Variants in GRIN2A observed in about 807,000 individuals in gnomAD.
GRIN2A encodes glutamate receptor ionotropic, NMDA 2A.
In GRIN2A, 22 loss-of-function variants were observed where a neutral mutation model predicts 113.4. The ratio of observed to expected loss-of-function variants is 0.19; its 90% CI spans 0.14 to 0.28. The LOEUF (loss-of-function observed/expected upper bound fraction) is 0.28, where lower values mean the gene tolerates loss of function less well. Ranked by LOEUF, GRIN2A falls within the 10% of genes least tolerant of loss-of-function variation. GRIN2A has a pLI of 1.00. For missense variants in GRIN2A, 1,502 were observed against 1,887.0 expected (o/e 0.80, Z 3.78); for synonymous variants, 827 against 738.4 (o/e 1.12, Z -1.94).
At chr16:10,167,296 A>C (rs1400523362) in intron 2 of GRIN2A, among the ~76,000 whole-genome samples, 2 of 152,176 alleles carry the variant, frequency 1.3e-5, no homozygotes, top group African/African-American at 4.8e-5. Context: ...AACTCCCCCC[A>C]AAATCACCCC....
Position 9,891,082 on chromosome 16 carries a change from T to A in GRIN2A, c.1026A>T (p.Thr342=). 6.2e-7 allele frequency: 1 copy of A among 1,609,100 alleles called. No individual in the cohort carries two copies. The highest frequency in any genetic ancestry group is 8.5e-7 in the Non-Finnish European group (1 of 1,175,422). ...HTLHPFMVNV[T]WDGKDLSFTE... ...TGAAGGATAAGTCTTTGCCATCCCATGTAACATTGACCATAAATCTAGAAA... is the reference window on the plus strand; with the variant it reads ...TGAAGGATAAGTCTTTGCCATCCCAAGTAACATTGACCATAAATCTAGAAA... Residue 342 remains threonine (T), a synonymous_variant, in exon 4 of 13, where the codon ACA becomes ACT. Transcript: ENST00000330684.
At chr16:9,836,185 A>G (rs1490220689) in intron 7 of GRIN2A, among the ~76,000 whole-genome samples, 1 of 152,232 alleles carries the variant, frequency 6.6e-6, no homozygotes, top group Admixed American at 6.5e-5. Context: ...GAGGATCATT[A>G]TGATGAGCAA....
intron 2 of GRIN2A, among the ~76,000 whole-genome samples, chr16:10,041,276 A>G (rs1192407259): frequency 1.3e-5 from 2 of 152,224 alleles, no homozygotes; most frequent in African/African-American, 4.8e-5. Flanking sequence ...TCCAGGGGGA[A>G]AGATGTGCAA....
intron 3 of GRIN2A, among the ~76,000 whole-genome samples, chr16:9,896,123 C>T (rs2043800404): frequency 6.6e-6 from 1 of 151,882 alleles, no homozygotes; most frequent in Non-Finnish European, 1.5e-5. Flanking sequence ...AATCTCAGCT[C>T]ACTGCAACCT....
chr16:10,055,696 T>C (rs978416293), intron 2 of GRIN2A, among the ~76,000 whole-genome samples: 2 of 152,192 alleles, frequency 1.3e-5, no homozygotes, highest in South Asian at 2.1e-4. Flanking sequence ...AACTAAGCCC[T>C]TCCTTAGGCA....
At chr16:10,156,731 A>G (rs1394005009) in intron 2 of GRIN2A, among the ~76,000 whole-genome samples, 1 of 152,216 alleles carries the variant, frequency 6.6e-6, no homozygotes, top group Non-Finnish European at 1.5e-5. Context: ...TTAAAGGCAA[A>G]GCGGGACTAA....
chr16:9,776,866 G>A (rs376171442), intron 11 of GRIN2A, among the ~76,000 whole-genome samples: 1 of 152,158 alleles, frequency 6.6e-6, no homozygotes, highest in Non-Finnish European at 1.5e-5. Context: ...TCATTGGCAG[G>A]CTCATGTTCT....
Position 10,180,286 on chromosome 16 carries a change from G to A in GRIN2A, c.126C>T (p.His42=), listed in dbSNP as rs1365236386. ...GTTCGCGCTCTGTCACGTCGTGGCT[G>A]TGACCCAGCATCACCGCAATATTTA... The part of the protein sequence containing the change: ...PALNIAVMLG[H]SHDVTERELR... The change falls in exon 2 of 13, where the codon CAC becomes CAT. Residue 42 remains histidine, a synonymous_variant. Coordinates refer to ENST00000330684, the MANE Select transcript of GRIN2A (RefSeq NM_001134407.3). This position sits in a 1 kb window ranked among gnomAD's most constrained non-coding sequence, Gnocchi z 7.0. 1 of 1,613,064 alleles carries A rather than the reference G, an allele frequency of 6.2e-7. No individual in the cohort carries two copies. The highest frequency in any genetic ancestry group is 2.2e-5 in the East Asian group (1 of 44,876).
chr16:10,043,781 T>C (rs1053274699), intron 2 of GRIN2A, among the ~76,000 whole-genome samples: 1 of 151,972 alleles, frequency 6.6e-6, no homozygotes, highest in African/African-American at 2.4e-5. Flanking sequence ...AAATACTCCT[T>C]TTGTTCAGCC....
intron 2 of GRIN2A, among the ~76,000 whole-genome samples, chr16:9,955,598 ACTG>A (rs2045288174): frequency 6.6e-6 from 1 of 152,228 alleles, no homozygotes; most frequent in South Asian, 2.1e-4. Context: ...TGATTTATAG[ACTG>A]CTTTCATGAA....
Position 9,870,628 on chromosome 16 carries a change from C to CT in GRIN2A, c.1122+20357dup, listed in dbSNP as rs951273100. ...GATGTTCCTTCAAGTAACTTTTTTT[C>CT]TTTTTTTTTTTTTTTTCTTTTTTTG... On this transcript the variant is annotated intron_variant, in intron 4 of 12. Transcript: ENST00000330684. 7.9e-3 allele frequency among the ~76,000 whole-genome samples: 1,093 copies of CT among 138,082 alleles called. 4 individuals carry two copies. Among genetic ancestry groups the CT allele is most frequent in the African/African-American group, 0.018 (688 of 37,286 alleles). 90.6% of individuals were successfully genotyped at this position (138,082 alleles called of 152,430 possible).
intron 2 of GRIN2A, among the ~76,000 whole-genome samples, chr16:10,176,510 T>C (rs930536851): frequency 6.6e-6 from 1 of 152,190 alleles, no homozygotes; most frequent in Admixed American, 6.5e-5. Context: ...CATGGAATAC[T>C]ATGCAGCCAT....
intron 3 of GRIN2A, among the ~76,000 whole-genome samples, chr16:9,937,206 C>T (rs1195833826): frequency 6.6e-6 from 1 of 151,738 alleles, no homozygotes; most frequent in Non-Finnish European, 1.5e-5. Flanking sequence ...CATAAATAAA[C>T]ACATTTTTGT....
intron 2 of GRIN2A, among the ~76,000 whole-genome samples, chr16:10,137,929 C>G (rs1034709867): frequency 6.6e-6 from 1 of 152,134 alleles, no homozygotes; most frequent in Non-Finnish European, 1.5e-5. Context: ...TCTGAGGGGC[C>G]AGCTCCTTGA....
chr16:10,061,483 CCA>C (rs2047549475), intron 2 of GRIN2A, among the ~76,000 whole-genome samples: 1 of 152,198 alleles, frequency 6.6e-6, no homozygotes, highest in African/African-American at 2.4e-5. Flanking sequence ...ATACTCATTT[CCA>C]CTCATTCACT....
chr16:9,760,082 G>T lies in GRIN2A; in HGVS notation c.*3067C>A, dbSNP rs374191190. 4.4e-6 allele frequency: 1 copy of T among 227,486 alleles called. No homozygotes were observed. Among genetic ancestry groups the T allele is most frequent in the Non-Finnish European group, 8.7e-6 (1 of 114,532 alleles). The allele number at this position is 227,486 out of a possible 1,614,324, so 14.1% of individuals were successfully genotyped here. A position where few individuals can be genotyped will look rare whatever the true frequency, so the allele number is the denominator to read the frequency against. The stretch of plus-strand genomic sequence containing the variant: ...AAATATCATTATGGATGCCAGCTCT[G>T]ACTTAAGCCAGCTGAAACTCAGGCA... On this transcript the variant is annotated 3_prime_UTR_variant, in exon 13 of 13. Transcript: ENST00000330684.
At chr16:10,037,947 A>C (rs1187895492) in intron 2 of GRIN2A, among the ~76,000 whole-genome samples, 1 of 152,022 alleles carries the variant, frequency 6.6e-6, no homozygotes, top group African/African-American at 2.4e-5. Flanking sequence ...CCTCTCCCAC[A>C]CCCAGCAGTC....
intron 2 of GRIN2A, among the ~76,000 whole-genome samples, chr16:10,030,627 C>G (rs1219986232): frequency 1.3e-5 from 2 of 152,182 alleles, no homozygotes; most frequent in Non-Finnish European, 1.5e-5. Flanking sequence ...CTCTTAAGCT[C>G]AAGACTTTTT....
intron 2 of GRIN2A, among the ~76,000 whole-genome samples, chr16:9,951,218 T>A (rs1032370044): frequency 5.3e-5 from 8 of 152,164 alleles, no homozygotes; most frequent in African/African-American, 1.9e-4. Flanking sequence ...TGCCAGGAGA[T>A]TTAGCAACCT....
Sources: allele counts gnomAD v4.1 joint callset (sites outside exome capture counted in the v4.1 genomes callset), GRCh38; gene constraint gnomAD v4.1.1; non-coding constraint Gnocchi (gnomAD v3.1); transcripts MANE v1.5; gene names NCBI Gene and HGNC (gene_info 2026-07-23, HGNC 2026-07-21).